EPB41L4A: variants seen among roughly 807,000 people sequenced by gnomAD.
EPB41L4A encodes band 4.1-like protein 4A.
Under a neutral mutation model 108.6 loss-of-function variants are expected in EPB41L4A, and 100 were observed. The observed-to-expected ratio is 0.92, with a 90% CI of 0.78 to 1.09. The LOEUF is 1.09. Among genes scored for constraint, EPB41L4A ranks in the 50% least tolerant of loss-of-function variants. EPB41L4A has a pLI of 0.00. For synonymous variants in EPB41L4A, 319 were observed against 289.0 expected, an observed-to-expected ratio of 1.10 and a Z score of -1.05; for missense variants, 1,030 against 842.7, an observed-to-expected ratio of 1.22 and a Z score of -2.75.
At chr5:112,237,885 C>A (rs754157163) in intron 11 of EPB41L4A, among the ~76,000 whole-genome samples, 10 of 152,164 alleles carry the variant, frequency 6.6e-5, no homozygotes, top group Non-Finnish European at 1.2e-4. Flanking sequence ...CAGTTAACAT[C>A]AGCCACAAAA....
chr5:112,149,956 A>C (rs752409096), intron 12 of EPB41L4A, among the ~76,000 whole-genome samples: 1 of 152,222 alleles, frequency 6.6e-6, no homozygotes, highest in African/African-American at 2.4e-5. Flanking sequence ...CCCACGCATA[A>C]CGTCTGTTCC....
chr5:112,408,380 T>A (rs751354410), intron 1 of EPB41L4A, among the ~76,000 whole-genome samples: 25 of 152,090 alleles, frequency 1.6e-4, no homozygotes, highest in Non-Finnish European at 7.4e-5. Context: ...ATCAAAAATT[T>A]GTGGGTATAT....
At chr5:112,373,979 C>T (rs886631940) in intron 1 of EPB41L4A, among the ~76,000 whole-genome samples, 5 of 152,108 alleles carry the variant, frequency 3.3e-5, no homozygotes, top group Admixed American at 6.5e-5. Context: ...TTCATGAATA[C>T]GTGGTAAAAG....
rs369980432 is a variant in EPB41L4A at position 112,203,019 on chromosome 5, A to G, written c.1376+1356T>C. On this transcript the variant is annotated intron_variant, in intron 15 of 22. Transcript: ENST00000261486. ...GGAATTCAAGACCAGCCTGGGCAAC[A>G]TAACAAGTGAGACCCCATCTCTACT... 1.8e-4 allele frequency among the ~76,000 whole-genome samples: 28 copies of G among 152,208 alleles called. 1 individual carries two copies. The highest frequency in any genetic ancestry group is 6.5e-4 in the African/African-American group (27 of 41,542).
chr5:112,151,111 A>G (rs898788950), intron 12 of EPB41L4A, among the ~76,000 whole-genome samples: 1 of 152,170 alleles, frequency 6.6e-6, no homozygotes, highest in Non-Finnish European at 1.5e-5. Flanking sequence ...GAGTAGAAAT[A>G]TTTTCTAAAG....
At chr5:112,263,595 C>T (rs1369169732) in intron 6 of EPB41L4A, 1 of 152,154 alleles carries the variant, frequency 6.6e-6, no homozygotes, top group Non-Finnish European at 1.5e-5. Flanking sequence ...CATTGCCCTT[C>T]CTAATGTTAT....
At chr5:112,231,673 T>C (rs1265512488) in intron 12 of EPB41L4A, among the ~76,000 whole-genome samples, 1 of 150,068 alleles carries the variant, frequency 6.7e-6, no homozygotes, top group Non-Finnish European at 1.5e-5. Flanking sequence ...TAGTCCCAGC[T>C]ACTCGGGAGG....
chr5:112,146,136 T>C (rs920360400), intron 12 of EPB41L4A: 1 of 308,854 alleles, frequency 3.2e-6, no homozygotes, highest in African/African-American at 2.2e-5. Flanking sequence ...TTCACTATTG[T>C]AGACCAAAGT....
chr5:112,148,292 G>A (rs1759341445), intron 12 of EPB41L4A, among the ~76,000 whole-genome samples: 1 of 150,240 alleles, frequency 6.7e-6, no homozygotes, highest in Non-Finnish European at 1.5e-5. Context: ...TTTCTCTTTT[G>A]TGAAATGTCT....
At chr5:112,243,827 A>T (rs1749997587) in intron 9 of EPB41L4A, among the ~76,000 whole-genome samples, 1 of 152,158 alleles carries the variant, frequency 6.6e-6, no homozygotes, top group South Asian at 2.1e-4. Context: ...CTTTCTCTGG[A>T]TTACAGACTT....
rs1178175125 is a variant in EPB41L4A, at chr5:112,163,790, T to G, written c.*1200A>C. On this transcript the variant is annotated 3_prime_UTR_variant, in exon 23 of 23. Coordinates refer to ENST00000261486, the MANE Select transcript of EPB41L4A (RefSeq NM_022140.5). ...GAAAGATAGTTTTGTTTAATCTTAG[T>G]CTTAAATTTAAAACCAAGTAGCAAG... is the stretch of plus-strand genomic sequence containing the variant. 1 of 152,120 alleles carries G rather than the reference T, an allele frequency of 6.6e-6. No individual in the cohort carries two copies. The highest frequency in any genetic ancestry group is 1.5e-5 in the Non-Finnish European group (1 of 68,024). The allele number at this position is 152,120 out of a possible 1,614,324, so 9.4% of individuals were successfully genotyped here. A position where few individuals can be genotyped will look rare whatever the true frequency, so the allele number is the denominator to read the frequency against.
At chr5:112,168,365 C>T (rs1161334218) in intron 22 of EPB41L4A, among the ~76,000 whole-genome samples, 1 of 152,230 alleles carries the variant, frequency 6.6e-6, no homozygotes, top group Non-Finnish European at 1.5e-5. Context: ...TGTCTGCTAT[C>T]AGTTAACAAA....
chr5:112,240,394 C>T (rs1179001782), intron 10 of EPB41L4A, among the ~76,000 whole-genome samples: 7 of 152,192 alleles, frequency 4.6e-5, no homozygotes, highest in African/African-American at 1.7e-4. Flanking sequence ...TAATTATGCA[C>T]AGAACACTCC....
At chr5:112,149,504 A>G (rs1759385884) in intron 12 of EPB41L4A, among the ~76,000 whole-genome samples, 1 of 152,170 alleles carries the variant, frequency 6.6e-6, no homozygotes, top group South Asian at 2.1e-4. Context: ...TGAGCACTCT[A>G]AATTATGAAT....
At chr5:112,143,946 G>C (rs996201908) in intron 13 of EPB41L4A, 1 of 437,338 alleles carries the variant, frequency 2.3e-6, no homozygotes, top group East Asian at 7.2e-5. Flanking sequence ...CAGAAGCCTG[G>C]AATAATAAAT....
At chr5:112,245,886 G>A (rs868817491) in intron 9 of EPB41L4A, among the ~76,000 whole-genome samples, 1 of 152,218 alleles carries the variant, frequency 6.6e-6, no homozygotes, top group South Asian at 2.1e-4. Flanking sequence ...GAGAGGCTGG[G>A]AAGAGAGAGT....
chr5:112,409,093 A>G (rs1343756378), intron 1 of EPB41L4A, among the ~76,000 whole-genome samples: 4 of 152,196 alleles, frequency 2.6e-5, no homozygotes, highest in Non-Finnish European at 5.9e-5. Flanking sequence ...AAGACCATCG[A>G]CTGATGAAAG....
At chr5:112,375,357 C>T (rs201433143) in intron 1 of EPB41L4A, among the ~76,000 whole-genome samples, 1 of 140,882 alleles carries the variant, frequency 7.1e-6, no homozygotes, top group Non-Finnish European at 1.5e-5. Context: ...ACACACACAC[C>T]CCTTCCTCTA....
chr5:112,290,473 T>C (rs1317234862), intron 2 of EPB41L4A, among the ~76,000 whole-genome samples: 1 of 152,104 alleles, frequency 6.6e-6, no homozygotes, highest in African/African-American at 2.4e-5. Context: ...ATAAACATGG[T>C]TTTAGGGATC....
Sources: gnomAD v4.1 joint callset for allele counts (sites outside exome capture counted in the v4.1 genomes callset) on GRCh38, gnomAD v4.1.1 for gene constraint, MANE v1.5 for transcripts, NCBI Gene and HGNC (gene_info 2026-07-23, HGNC 2026-07-21) for gene names.